Variants in TXNDC16 observed in about 807,000 individuals in gnomAD.
TXNDC16 encodes the protein thioredoxin domain containing 16, also known as thioredoxin domain-containing protein 16.
Under a neutral mutation model 85.6 loss-of-function variants are expected in TXNDC16, and 74 were observed. The observed-to-expected ratio is 0.86, with a 90% CI of 0.72 to 1.05. The LOEUF (loss-of-function observed/expected upper bound fraction) is 1.05, where lower values mean the gene tolerates loss of function less well. Among genes scored for constraint, TXNDC16 ranks in the 50% least tolerant of loss-of-function variants. TXNDC16 has a pLI of 0.00. For missense variants in TXNDC16, 959 were observed against 947.0 expected, an observed-to-expected ratio of 1.01 and a Z score of -0.17; for synonymous variants, 335 against 326.5, an observed-to-expected ratio of 1.03 and a Z score of -0.28.
At chr14:52,530,285 A>ATT (rs1400120005) in intron 6 of TXNDC16, among the ~76,000 whole-genome samples, 1,769 of 42,844 alleles carry the variant, frequency 0.041, 56 homozygotes, top group East Asian at 0.093. Flanking sequence ...TTTAATATAT[A>ATT]ATTATTATAT....
At chr14:52,529,762 C>T (rs1219763694) in intron 6 of TXNDC16, among the ~76,000 whole-genome samples, 1 of 111,350 alleles carries the variant, frequency 9.0e-6, no homozygotes, top group Non-Finnish European at 1.7e-5. Flanking sequence ...TATATAATAC[C>T]TATTATATAT....
intron 6 of TXNDC16, among the ~76,000 whole-genome samples, chr14:52,526,627 G>A (rs908821624): frequency 6.6e-6 from 1 of 152,180 alleles, no homozygotes; most frequent in African/African-American, 2.4e-5. Context: ...TGTAAAATAT[G>A]TATTTGGTCC....
At chr14:52,515,669 A>ATATGTGTGTGTGTGTG (rs1431250631) in intron 7 of TXNDC16, among the ~76,000 whole-genome samples, 1 of 144,246 alleles carries the variant, frequency 6.9e-6, no homozygotes, top group Non-Finnish European at 1.5e-5. Flanking sequence ...TTTCATACAT[A>ATATGTGTGTGTGTGTG]TGTGTGTGTG....
At chr14:52,533,875 T>C (rs1018985064) in intron 6 of TXNDC16, among the ~76,000 whole-genome samples, 2 of 152,126 alleles carry the variant, frequency 1.3e-5, no homozygotes, top group East Asian at 1.9e-4. Flanking sequence ...CCAAGGGCTC[T>C]GGTAAGGAGG....
chr14:52,530,439 A>ATTATT (rs1491357174), intron 6 of TXNDC16, among the ~76,000 whole-genome samples: 51 of 3,110 alleles, frequency 0.016, no homozygotes, highest in Admixed American at 0.027. Context: ...AATAATATAT[A>ATTATT]ATATATTATT....
At chr14:52,478,897 T>C (rs142648338) in intron 14 of TXNDC16, among the ~76,000 whole-genome samples, 1,826 of 152,194 alleles carry the variant, frequency 0.012, 36 homozygotes, top group African/African-American at 0.04. Flanking sequence ...CTGATGAACA[T>C]AGATGCTATA....
intron 9 of TXNDC16, among the ~76,000 whole-genome samples, chr14:52,507,381 A>T (rs1034679835): frequency 3.9e-5 from 6 of 152,014 alleles, no homozygotes; most frequent in Non-Finnish European, 7.4e-5. Context: ...CTCTTCAAGG[A>T]GAACTACAAA....
intron 19 of TXNDC16, 121 bp downstream of exon 19, chr14:52,440,443 G>T (rs967547574): frequency 1.7e-5 from 12 of 686,594 alleles, no homozygotes; most frequent in Admixed American, 4.1e-5. Flanking sequence ...AAATATCATG[G>T]TGACATATTT....
chr14:52,433,163 A>G (rs1208559430), intron 20 of TXNDC16, among the ~76,000 whole-genome samples: 1 of 152,194 alleles, frequency 6.6e-6, no homozygotes, highest in Non-Finnish European at 1.5e-5. Flanking sequence ...AAAAATAATT[A>G]TAGACAATAA....
chr14:52,525,744 T>TAATAATAAA (rs1388745451), intron 6 of TXNDC16, among the ~76,000 whole-genome samples: 47 of 105,122 alleles, frequency 4.5e-4, no homozygotes, highest in African/African-American at 1.1e-3. Context: ...ATAATAATAA[T>TAATAATAAA]AAATAAAAAT....
rs992861470 is a variant in TXNDC16, at chr14:52,432,501, T to G, written c.2281A>C (p.Thr761Pro). The G allele has an allele frequency of 3.1e-6, 5 of 1,614,094 alleles. No homozygotes were observed. The highest frequency in any genetic ancestry group is 4.2e-6 in the Non-Finnish European group (5 of 1,179,988). Reference protein sequence around the residue: ...MIDAATSQRGTRKVPKCMKET... With the variant: ...MIDAATSQRGPRKVPKCMKET... ...TTCATACACTTGGGAACTTTCCTAG[T>G]GCCACGTTGAGATGTTGCGGCATCT... The change falls in exon 21 of 21, where the codon ACT (threonine) becomes CCT (proline). Residue 761 changes from threonine (T) to proline (P), a missense_variant. Physicochemically the swap from Thr to Pro is conservative, Grantham distance 38 (BLOSUM62 -1). Transcript: ENST00000281741.
Position 52,498,831 on chromosome 14 carries a change from C to T in TXNDC16, c.757-7826G>A, listed in dbSNP as rs562316691. Among the ~76,000 whole-genome samples, 386 of 152,154 alleles carry T rather than the reference C, an allele frequency of 2.5e-3. 2 individuals carry two copies. Among genetic ancestry groups the T allele is most frequent in the African/African-American group, 8.8e-3 (364 of 41,536 alleles). ...GAAATAGAAAAAAAATCCTAAAATT[C>T]ATATGGAATCTCAAGGGATTTCAGA... On this transcript the variant is annotated intron_variant, in intron 9 of 20. Coordinates refer to ENST00000281741, the MANE Select transcript of TXNDC16 (RefSeq NM_020784.3).
At position 52,542,396 on chromosome 14, in the gene TXNDC16, T is replaced by C. The variant is rs751542730; in HGVS notation, c.218A>G (p.Gln73Arg). Reference protein sequence around the residue: ...EELNEAVRPLQDYGISVAKVN... With the variant: ...EELNEAVRPLRDYGISVAKVN... ...CTTGGCAACTGAAATTCCATAGTCC[T>C]GCAGAGGTCTAACAGCCTCATTCAG... is the stretch of plus-strand genomic sequence containing the variant. The change falls in exon 4 of 21, where the codon CAG becomes CGG. Residue 73 changes from glutamine to arginine, a missense_variant. Transcript: ENST00000281741. 19 of 1,612,200 alleles carry C rather than the reference T, an allele frequency of 1.2e-5. No individual in the cohort carries two copies. Among genetic ancestry groups the C allele is most frequent in the Non-Finnish European group, 1.4e-5 (16 of 1,179,118 alleles).
intron 14 of TXNDC16, among the ~76,000 whole-genome samples, chr14:52,481,098 A>T (rs555621298): frequency 1.3e-5 from 2 of 151,494 alleles, no homozygotes; most frequent in South Asian, 4.2e-4. Flanking sequence ...GGAATGAAAA[A>T]CCAACCATCA....
intron 16 of TXNDC16, among the ~76,000 whole-genome samples, chr14:52,466,988 G>GAA (rs578037663): frequency 2.0e-5 from 3 of 148,664 alleles, no homozygotes; most frequent in African/African-American, 7.4e-5. Flanking sequence ...AGAGTCAATA[G>GAA]AAAAAAAAAC....
rs761620835 is a variant in TXNDC16 at position 52,439,189 on chromosome 14, A to C, written c.2194+15T>G. The C allele has an allele frequency of 3.7e-6, 6 of 1,611,692 alleles. No homozygotes were observed. Among genetic ancestry groups the C allele is most frequent in the Non-Finnish European group, 4.2e-6 (5 of 1,178,530 alleles). ...AATGCAGAACTACATGTATTAAACAAAACAGAAAACTTACTGATATGATTT... is the reference window on the plus strand; with the variant it reads ...AATGCAGAACTACATGTATTAAACACAACAGAAAACTTACTGATATGATTT... On this transcript the variant is annotated intron_variant, in intron 20 of 20. Transcript: ENST00000281741.
At chr14:52,490,761 G>T in intron 10 of TXNDC16, 78 bp downstream of exon 10, 1 of 1,471,058 alleles carries the variant, frequency 6.8e-7, no homozygotes, top group South Asian at 1.2e-5. Context: ...ACTTATAAGT[G>T]ATTAAATTAC....
intron 9 of TXNDC16, among the ~76,000 whole-genome samples, chr14:52,503,614 A>G (rs1594736578): frequency 6.6e-6 from 1 of 152,190 alleles, no homozygotes; most frequent in Non-Finnish European, 1.5e-5. Flanking sequence ...AAAAAACCAC[A>G]AAGATGGGGA....
At chr14:52,434,007 C>T (rs1275456920) in intron 20 of TXNDC16, among the ~76,000 whole-genome samples, 2 of 151,986 alleles carry the variant, frequency 1.3e-5, no homozygotes, top group African/African-American at 4.8e-5. Flanking sequence ...AGTGGTAGCC[C>T]TTCTCTACAA....
Sources: allele counts gnomAD v4.1 joint callset (sites outside exome capture counted in the v4.1 genomes callset), GRCh38; gene constraint gnomAD v4.1.1; transcripts MANE v1.5; gene names NCBI Gene and HGNC (gene_info 2026-07-23, HGNC 2026-07-21).